Variants in DNAAF3 observed in about 807,000 individuals in gnomAD.
The protein encoded by DNAAF3 is dynein axonemal assembly factor 3.
In DNAAF3, 40 loss-of-function variants were observed where a neutral mutation model predicts 50.9. That is an observed-to-expected ratio of 0.79 (90% CI 0.61 to 1.02). The LOEUF is 1.02. Ranked by LOEUF, DNAAF3 falls within the 50% of genes least tolerant of loss-of-function variation. DNAAF3 has a pLI of 0.00. For missense variants in DNAAF3, 763 were observed against 744.7 expected, an observed-to-expected ratio of 1.02 and a Z score of -0.29; for synonymous variants, 327 against 322.8, an observed-to-expected ratio of 1.01 and a Z score of -0.14.
rs181870453 is a variant in DNAAF3, at chr19:55,163,586, C to T, written c.323-1296G>A. On this transcript the variant is annotated intron_variant, in intron 4 of 11. Transcript: ENST00000524407. ...GGATTACAGGCGTGAGCCACCGCCC[C>T]TGGCAATACTATACAATTTTATAAG... is the stretch of plus-strand genomic sequence containing the variant. Among the ~76,000 whole-genome samples the T allele has an allele frequency of 1.8e-4, 28 of 152,330 alleles. No individual in the cohort carries two copies. The East Asian group carries it at 4.4e-3, about 24-fold the overall frequency.
At position 55,159,988 on chromosome 19, in the gene DNAAF3, G is replaced by C; in HGVS notation, c.1074C>G (p.Thr358=). ...TPAAPTPESF[T]VHFLPLNSAQ... ...CAGAATTGAGCGGCAGGAAGTGGAC[G>C]GTGAAAGATTCCGGGGTCGGGGCTG... Residue 358 remains threonine (T), a synonymous_variant, in exon 10 of 12, where the codon ACC becomes ACG. Coordinates refer to ENST00000524407, the MANE Select transcript of DNAAF3 (RefSeq NM_001256715.2). The C allele has an allele frequency of 6.2e-7, 1 of 1,613,830 alleles. No individual in the cohort carries two copies. Among genetic ancestry groups the C allele is most frequent in the Non-Finnish European group, 8.5e-7 (1 of 1,179,934 alleles).
chr19:55,164,112 T>C (rs1447050000), intron 4 of DNAAF3, among the ~76,000 whole-genome samples: 2 of 152,172 alleles, frequency 1.3e-5, no homozygotes, highest in Non-Finnish European at 2.9e-5. Context: ...TCGCCTCCTG[T>C]CATGATTGTA....
chr19:55,166,030 A>G lies in DNAAF3; in HGVS notation c.86-30T>C. The stretch of plus-strand genomic sequence containing the variant: ...CAAGATGACAGCTGGCTGGGGCACC[A>G]TGGTGGTTGGCAGAGCGTCCACCGT... On this transcript the variant is annotated intron_variant, in intron 2 of 11. Transcript: ENST00000524407. This position sits in a 1 kb window ranked among gnomAD's most constrained non-coding sequence, Gnocchi z 4.0. The G allele has an allele frequency of 1.2e-6, 2 of 1,614,106 alleles. No individual in the cohort carries two copies. The highest frequency in any genetic ancestry group is 1.7e-6 in the Non-Finnish European group (2 of 1,180,002).
At chr19:55,163,179 T>G (rs1004819200) in intron 4 of DNAAF3, among the ~76,000 whole-genome samples, 2 of 151,748 alleles carry the variant, frequency 1.3e-5, no homozygotes, top group African/African-American at 4.8e-5. Flanking sequence ...CCGGCTAATT[T>G]TTTGTATTTT....
At position 55,160,083 on chromosome 19, in the gene DNAAF3, A is replaced by G. The variant is rs865976045; in HGVS notation, c.1049-70T>C. The G allele has an allele frequency of 5.5e-6, 6 of 1,087,696 alleles. No homozygotes were observed. Among genetic ancestry groups the G allele is most frequent in the African/African-American group, 4.7e-5 (3 of 64,376 alleles). 67.4% of individuals were successfully genotyped at this position (1,087,696 alleles called of 1,614,324 possible). A position where few individuals can be genotyped will look rare whatever the true frequency, so the allele number is the denominator to read the frequency against. On this transcript the variant is annotated intron_variant, in intron 9 of 11. Transcript: ENST00000524407. This position sits in a 1 kb window ranked among gnomAD's most constrained non-coding sequence, Gnocchi z 4.7. ...TAAGGGCGGAAAACCAGAGAGATAC[A>G]CAGAGCTGGGCAGAGCTGGGCAGGC...
intron 4 of DNAAF3, among the ~76,000 whole-genome samples, chr19:55,162,999 T>C (rs1481029654): frequency 6.8e-5 from 3 of 44,072 alleles, no homozygotes; most frequent in Non-Finnish European, 1.1e-4. Context: ...TTCTTTTTCT[T>C]TTTTTTTTTT....
chr19:55,163,358 C>T (rs1410304909), intron 4 of DNAAF3, among the ~76,000 whole-genome samples: 2 of 118,290 alleles, frequency 1.7e-5, no homozygotes, highest in African/African-American at 6.9e-5. Flanking sequence ...CGGGGTTTCA[C>T]CGTGTTAGCC....
chr19:55,162,104 G>A (rs1390312564), intron 5 of DNAAF3, 29 bp downstream of exon 5: 12 of 1,241,970 alleles, frequency 9.7e-6, no homozygotes, highest in South Asian at 7.9e-5. Flanking sequence ...GCGGCCACCC[G>A]ATCCCAGATG....
rs560418193 is a variant in DNAAF3 at position 55,163,941 on chromosome 19, G to A, written c.322+1429C>T. Among the ~76,000 whole-genome samples, 12 of 152,222 alleles carry A rather than the reference G, an allele frequency of 7.9e-5. No individual in the cohort carries two copies. In the South Asian group the frequency reaches 1.9e-3, roughly 24 times the overall value. ...AATTGTAATCCCCAATATTGGAGGC[G>A]GGGCCTGGTGGGAGGTGATTGGGTC... is the stretch of plus-strand genomic sequence containing the variant. On this transcript the variant is annotated intron_variant, in intron 4 of 11. Transcript: ENST00000524407.
Position 55,160,630 on chromosome 19 carries a change from C to T in DNAAF3, c.1048+10G>A, listed in dbSNP as rs760645294. On this transcript the variant is annotated intron_variant, in intron 9 of 11. Coordinates refer to ENST00000524407, the MANE Select transcript of DNAAF3 (RefSeq NM_001256715.2). This position sits in a 1 kb window ranked among gnomAD's most constrained non-coding sequence, Gnocchi z 4.7. ...AGTCCCTGGCTTACCTGTTGTTGTC[C>T]CTGGCTTACCTGGAGTCCCTGGCTC... 16 of 1,606,024 alleles carry T rather than the reference C, an allele frequency of 1.0e-5. No homozygotes were observed.
In DNAAF3 at chr19:55,161,061, G is replaced by T. The variant is rs2085819392; in HGVS notation, c.912+4C>A. The T allele has an allele frequency of 6.5e-7, 1 of 1,536,532 alleles. No individual in the cohort carries two copies. Among genetic ancestry groups the T allele is most frequent in the Non-Finnish European group, 8.7e-7 (1 of 1,143,658 alleles). The stretch of plus-strand genomic sequence containing the variant: ...CTACCCCCAGTCCCAGCCTCGCCGC[G>T]CACCTTGACTGGCTGGCCGTTGCTC... On this transcript the variant is annotated splice_donor_region_variant and intron_variant, in intron 8 of 11. Coordinates refer to ENST00000524407, the MANE Select transcript of DNAAF3 (RefSeq NM_001256715.2). The surrounding 1 kb of genome is among the most constrained non-coding windows in gnomAD (Gnocchi z 6.4).
chr19:55,165,791 T>C, intron 3 of DNAAF3, 67 bp downstream of exon 3: 1 of 1,567,012 alleles, frequency 6.4e-7, no homozygotes, highest in Non-Finnish European at 8.6e-7. Flanking sequence ...CCTGAGGTTT[T>C]AGAATTTCAA....
chr19:55,159,522 C>A lies in DNAAF3; in HGVS notation c.1238+11G>T. 6.3e-7 allele frequency: 1 copy of A among 1,596,982 alleles called. No individual in the cohort carries two copies. On this transcript the variant is annotated intron_variant, in intron 11 of 11. Coordinates refer to ENST00000524407, the MANE Select transcript of DNAAF3 (RefSeq NM_001256715.2). ...CCAGGATGTTCCCCACCCTCCACCC[C>A]ACTGACTCACCGGGCTAATTCCACA... is the stretch of plus-strand genomic sequence containing the variant.
At position 55,161,884 on chromosome 19, in the gene DNAAF3, G is replaced by C; in HGVS notation, c.481-59C>G. On this transcript the variant is annotated intron_variant, in intron 5 of 11. Coordinates refer to ENST00000524407, the MANE Select transcript of DNAAF3 (RefSeq NM_001256715.2). The surrounding 1 kb of genome is among the most constrained non-coding windows in gnomAD (Gnocchi z 6.4). ...GGCAGAGAGGGATGCAGGGAGAGCG[G>C]ATTCTAATTGACCCTCTCTTCCATC... The C allele has an allele frequency of 7.3e-7, 1 of 1,376,940 alleles. No individual in the cohort carries two copies. Among genetic ancestry groups the C allele is most frequent in the East Asian group, 3.0e-5 (1 of 33,604 alleles). 85.3% of individuals were successfully genotyped at this position (1,376,940 alleles called of 1,614,324 possible). A position where few individuals can be genotyped will look rare whatever the true frequency, so the allele number is the denominator to read the frequency against.
chr19:55,166,346 A>G lies in DNAAF3; in HGVS notation c.68T>C (p.Leu23Pro). 1.9e-6 allele frequency: 3 copies of G among 1,613,682 alleles called. No homozygotes were observed. The highest frequency in any genetic ancestry group is 2.5e-6 in the Non-Finnish European group (3 of 1,179,854). Residue 23 changes from leucine (L) to proline (P), a missense_variant, in exon 2 of 12, where the codon CTG becomes CCG. Physicochemically the swap from Leu to Pro is moderately conservative, Grantham distance 98. Coordinates refer to ENST00000524407, the MANE Select transcript of DNAAF3 (RefSeq NM_001256715.2). This position sits in a 1 kb window ranked among gnomAD's most constrained non-coding sequence, Gnocchi z 4.0. The stretch of plus-strand genomic sequence containing the variant: ...GGACTCACTTTCAGCCTGCAGGTCC[A>G]GCGCCGGGGACAGGCCCCACCAGGA... ...SVSWWGLSPALDLQAESPPVD... is the reference protein window; with the variant it reads ...SVSWWGLSPAPDLQAESPPVD...
In DNAAF3 at chr19:55,159,084, G is replaced by T; in HGVS notation, c.1604C>A (p.Ser535Ter). 6.2e-7 allele frequency: 1 copy of T among 1,600,612 alleles called. No homozygotes were observed. The highest frequency in any genetic ancestry group is 1.1e-5 in the South Asian group (1 of 90,252). ...GGGTCAGACTCCAGTTTTGGAGTCTGACTCACAGTTGGGCGGAGCCAAGGC... is the reference window on the plus strand; with the variant it reads ...GGGTCAGACTCCAGTTTTGGAGTCTTACTCACAGTTGGGCGGAGCCAAGGC... ...QGALAPPNCE[S>*]DSKTGV The change falls in exon 12 of 12, where the codon TCA becomes TAA. Residue 535 changes from serine (S) to a stop codon, truncating the protein, a stop_gained. Coordinates refer to ENST00000524407, the MANE Select transcript of DNAAF3 (RefSeq NM_001256715.2). LOFTEE classifies it high-confidence loss of function.
chr19:55,165,638 G>C (rs1373798910), intron 3 of DNAAF3, 175 bp from the exon 4 acceptor site: 2 of 927,524 alleles, frequency 2.2e-6, no homozygotes, highest in African/African-American at 3.3e-5. Flanking sequence ...CCATTACTCA[G>C]AAGACCTCAT....
chr19:55,163,570 G>A (rs567294527), intron 4 of DNAAF3, among the ~76,000 whole-genome samples: 1 of 152,234 alleles, frequency 6.6e-6, no homozygotes, highest in Admixed American at 6.5e-5. Flanking sequence ...AGGATTACAG[G>A]CGTGAGCCAC....
At position 55,165,339 on chromosome 19, in the gene DNAAF3, C is replaced by T. The variant is rs747616388; in HGVS notation, c.322+31G>A. On this transcript the variant is annotated intron_variant, in intron 4 of 11. Transcript: ENST00000524407. ...CCTCTAGGGAGGGGGAGGAGACCAG[C>T]GGTCAGAATGCCTGGGTCCTAGCAA... 2.4e-5 allele frequency: 38 copies of T among 1,594,238 alleles called. No homozygotes were observed. In the East Asian group the frequency reaches 6.0e-4, roughly 25 times the overall value.
Sources: allele counts gnomAD v4.1 joint callset (sites outside exome capture counted in the v4.1 genomes callset), GRCh38; gene constraint gnomAD v4.1.1; non-coding constraint Gnocchi (gnomAD v3.1); transcripts MANE v1.5; gene names NCBI Gene and HGNC (gene_info 2026-07-23, HGNC 2026-07-21).